The following MYO10 variants were observed in gnomAD, a reference collection of about 807,000 sequenced individuals.
The protein encoded by MYO10 is myosin X.
In MYO10, 133 loss-of-function variants were observed where a neutral mutation model predicts 257.3. The ratio of observed to expected loss-of-function variants is 0.52; its 90% CI spans 0.45 to 0.60. MYO10 has a LOEUF of 0.60. Ranked by LOEUF, MYO10 falls within the 20% of genes least tolerant of loss-of-function variation. The pLI is 0.00. For missense variants in MYO10, 2,399 were observed against 2,635.7 expected, an observed-to-expected ratio of 0.91 and a Z score of 1.97; for synonymous variants, 1,104 against 1,028.6, an observed-to-expected ratio of 1.07 and a Z score of -1.40.
At chr5:16,766,047 G>A (rs1429605157) in intron 11 of MYO10, 33 bp downstream of exon 11, 5 of 1,499,820 alleles carry the variant, frequency 3.3e-6, no homozygotes, top group Non-Finnish European at 3.7e-6. Context: ...GGAGTGTCTA[G>A]TAACGCAAGA....
intron 1 of MYO10, among the ~76,000 whole-genome samples, chr5:16,907,935 A>C (rs1745559083): frequency 6.6e-6 from 1 of 152,238 alleles, no homozygotes; most frequent in Admixed American, 6.5e-5. Flanking sequence ...TGATCACTTA[A>C]AACTAAGGCA....
At chr5:16,783,498 T>C (rs1010079545) in intron 4 of MYO10, 29 bp from the exon 5 acceptor site, 20 of 1,595,286 alleles carry the variant, frequency 1.3e-5, no homozygotes, top group Non-Finnish European at 1.7e-5. Flanking sequence ...AAGTTTGTGC[T>C]TCTAACTATA....
intron 19 of MYO10, among the ~76,000 whole-genome samples, chr5:16,738,584 TA>T (rs1448096256): frequency 6.6e-6 from 1 of 151,170 alleles, no homozygotes; most frequent in Admixed American, 6.6e-5. Flanking sequence ...AAGACAAAGT[TA>T]AAAAAACAAC....
intron 19 of MYO10, among the ~76,000 whole-genome samples, chr5:16,715,530 C>T (rs1027777701): frequency 6.8e-6 from 1 of 147,158 alleles, no homozygotes; most frequent in African/African-American, 2.5e-5. Flanking sequence ...GAACTCCCAA[C>T]TTCAAGTAAT....
At chr5:16,689,746 C>T in intron 28 of MYO10, 78 bp downstream of exon 28, 2 of 1,222,196 alleles carry the variant, frequency 1.6e-6, no homozygotes, top group South Asian at 1.2e-5. Flanking sequence ...GTACAGTAAA[C>T]AGTGCTCTGT....
intron 2 of MYO10, among the ~76,000 whole-genome samples, chr5:16,821,957 C>T (rs1314394111): frequency 1.4e-5 from 2 of 143,990 alleles, no homozygotes; most frequent in African/African-American, 5.1e-5. Context: ...TACAGGATTG[C>T]AGCTGCTCAA....
At chr5:16,798,847 C>G (rs995744045) in intron 3 of MYO10, among the ~76,000 whole-genome samples, 1 of 152,094 alleles carries the variant, frequency 6.6e-6, no homozygotes, top group African/African-American at 2.4e-5. Context: ...ACCATCAACA[C>G]GGCGGGCTCA....
chr5:16,841,085 C>T (rs1743465789), intron 2 of MYO10, among the ~76,000 whole-genome samples: 1 of 149,510 alleles, frequency 6.7e-6, no homozygotes. Flanking sequence ...GCGGAGATTG[C>T]AGTGAGCCGA....
chr5:16,778,760 G>A (rs1256181713), intron 9 of MYO10, among the ~76,000 whole-genome samples: 16 of 143,122 alleles, frequency 1.1e-4, no homozygotes, highest in Admixed American at 7.5e-5. Flanking sequence ...GCGCGATCTC[G>A]GCTCACTGCA....
chr5:16,816,391 T>G (rs1280466221), intron 3 of MYO10, among the ~76,000 whole-genome samples: 1 of 150,752 alleles, frequency 6.6e-6, no homozygotes, highest in Non-Finnish European at 1.5e-5. Flanking sequence ...TGAGGAAAAT[T>G]TAGCAGTTTA....
Position 16,794,681 on chromosome 5 carries a change from C to A in MYO10, c.432G>T (p.Leu144=). ...FAIANECYRC[L]WKRHDNQCIL... ...TGCACTGGTTGTCGTGGCGCTTCCA[C>A]AGGCAGCGGTAGCACTCGTTGGCGA... The change falls in exon 4 of 41, where the codon CTG becomes CTT. Residue 144 remains leucine (L), a synonymous_variant. Transcript: ENST00000513610. 2 of 1,612,912 alleles carry A rather than the reference C, an allele frequency of 1.2e-6. No homozygotes were observed. The highest frequency in any genetic ancestry group is 8.5e-7 in the Non-Finnish European group (1 of 1,179,448).
chr5:16,755,504 C>CA (rs1740503667), intron 18 of MYO10, among the ~76,000 whole-genome samples: 1 of 152,160 alleles, frequency 6.6e-6, no homozygotes, highest in African/African-American at 2.4e-5. Flanking sequence ...TGTCAACAAA[C>CA]AAAAATCATC....
At position 16,855,646 on chromosome 5, in the gene MYO10, CTCTTT is replaced by C. The variant is rs1743939862; in HGVS notation, c.120+21958_120+21962del. ...TGGCAACATTCCCTGGAGGCCTGAT[CTCTTT>C]TGAGTCCTTTGTTACAAAAGCTTCC... On this transcript the variant is annotated intron_variant, in intron 2 of 40. Coordinates refer to ENST00000513610, the MANE Select transcript of MYO10 (RefSeq NM_012334.3). 3.3e-5 allele frequency among the ~76,000 whole-genome samples: 5 copies of C among 152,344 alleles called. No homozygotes were observed. In the South Asian group the frequency reaches 8.3e-4, roughly 25 times the overall value.
In MYO10 at chr5:16,763,647, G is replaced by C. The variant is rs1560972132; in HGVS notation, c.1427+8C>G. The C allele has an allele frequency of 1.3e-6, 2 of 1,595,472 alleles. No homozygotes were observed. Among genetic ancestry groups the C allele is most frequent in the South Asian group, 2.2e-5 (2 of 90,440 alleles). On this transcript the variant is annotated splice_region_variant and intron_variant, in intron 13 of 40. Coordinates refer to ENST00000513610, the MANE Select transcript of MYO10 (RefSeq NM_012334.3). The stretch of plus-strand genomic sequence containing the variant: ...AAAAAATTGAAATGGAATTCTATGA[G>C]TGCTTACCGGCTATATTCTAGTTGT...
At chr5:16,697,341 T>C (rs1737797615) in intron 26 of MYO10, among the ~76,000 whole-genome samples, 5 of 150,574 alleles carry the variant, frequency 3.3e-5, no homozygotes, top group Admixed American at 3.3e-4. Context: ...AGAAAAGACG[T>C]GGAAAAAAAC....
intron 2 of MYO10, among the ~76,000 whole-genome samples, chr5:16,838,476 A>C (rs961280526): frequency 1.3e-5 from 2 of 152,224 alleles, no homozygotes; most frequent in Non-Finnish European, 1.5e-5. Flanking sequence ...GAGGTCAGTA[A>C]GCTGCAGAAG....
At chr5:16,823,729 C>T (rs1464038208) in intron 2 of MYO10, among the ~76,000 whole-genome samples, 1 of 149,880 alleles carries the variant, frequency 6.7e-6, no homozygotes, top group Non-Finnish European at 1.5e-5. Context: ...GCCTTGGCCT[C>T]CCAAAATGTT....
At position 16,853,109 on chromosome 5, in the gene MYO10, G is replaced by A. The variant is rs148409793; in HGVS notation, c.120+24500C>T. On this transcript the variant is annotated intron_variant, in intron 2 of 40. Transcript: ENST00000513610. The stretch of plus-strand genomic sequence containing the variant: ...ATGTTGGCCGGGCGCGGCGGCTCAC[G>A]CCTGTAATCCCAGCACTTTGGGAGG... 1.3e-3 allele frequency among the ~76,000 whole-genome samples: 194 copies of A among 152,216 alleles called. 1 individual carries two copies. Among genetic ancestry groups the A allele is most frequent in the African/African-American group, 3.8e-3 (156 of 41,550 alleles).
At chr5:16,887,195 C>T (rs1167154610) in intron 1 of MYO10, among the ~76,000 whole-genome samples, 5 of 152,110 alleles carry the variant, frequency 3.3e-5, no homozygotes, top group Non-Finnish European at 2.9e-5. Context: ...CAAACTCTGT[C>T]ACCACTAGGA....
Sources: gnomAD v4.1 joint callset for allele counts (sites outside exome capture counted in the v4.1 genomes callset) on GRCh38, gnomAD v4.1.1 for gene constraint, MANE v1.5 for transcripts, NCBI Gene and HGNC (gene_info 2026-07-23, HGNC 2026-07-21) for gene names.